The following TANC1 variants were observed in gnomAD, a reference collection of about 807,000 sequenced individuals.
The protein encoded by TANC1 is tetratricopeptide repeat, ankyrin repeat and coiled-coil containing 1.
In TANC1, 77 loss-of-function variants were observed where a neutral mutation model predicts 149.7. That is an observed-to-expected ratio of 0.51 (90% confidence interval 0.43 to 0.62). TANC1 has a LOEUF of 0.62. Among genes scored for constraint, TANC1 ranks in the 20% least tolerant of loss-of-function variants. The pLI, the probability that TANC1 is intolerant of heterozygous loss-of-function variation, is 0.00. For missense variants in TANC1, 1,985 were observed against 2,321.8 expected (o/e 0.85, Z 2.98); for synonymous variants, 854 against 925.0 (o/e 0.92, Z 1.39).
At chr2:159,082,357 T>C (rs2044363069) in intron 3 of TANC1, among the ~76,000 whole-genome samples, 1 of 116,972 alleles carries the variant, frequency 8.5e-6, no homozygotes, top group African/African-American at 3.2e-5. Flanking sequence ...TTAAAATACA[T>C]GTTTTAAACT....
At chr2:159,203,203 TCTTTTC>T (rs200690229) in intron 19 of TANC1, among the ~76,000 whole-genome samples, 32,772 of 129,222 alleles carry the variant, frequency 0.25, 4,879 homozygotes, top group Non-Finnish European at 0.38. Flanking sequence ...GATAGGCTTT[TCTTTTC>T]TTTTTTTTTT....
intron 4 of TANC1, among the ~76,000 whole-genome samples, chr2:159,132,829 A>C (rs914324132): frequency 6.6e-6 from 1 of 151,854 alleles, no homozygotes; most frequent in Admixed American, 6.6e-5. Context: ...TGCCCAACTC[A>C]TGAGTCCCTG....
intron 1 of TANC1, among the ~76,000 whole-genome samples, chr2:158,998,124 T>C (rs568045546): frequency 1.4e-4 from 22 of 152,070 alleles, no homozygotes; most frequent in Admixed American, 5.2e-4. Context: ...CTTAGCTGGG[T>C]GTGGTGGTGT....
rs542206261 is a variant in TANC1, at chr2:159,042,147, G to T, written c.-15-23749G>T. On this transcript the variant is annotated intron_variant, in intron 2 of 26. Coordinates refer to ENST00000263635, the MANE Select transcript of TANC1 (RefSeq NM_033394.3). Reference sequence around the variant, plus strand: ...TCATCTTTGAAGTCCTGGTGGGGAAGGCAGCAGGTCTTCTGGAGCTCCTCA... The same window carrying T: ...TCATCTTTGAAGTCCTGGTGGGGAATGCAGCAGGTCTTCTGGAGCTCCTCA... 2.0e-5 allele frequency among the ~76,000 whole-genome samples: 3 copies of T among 152,284 alleles called. No individual in the cohort carries two copies. The South Asian group carries it at 6.2e-4, about 32-fold the overall frequency.
chr2:159,219,732 A>C lies in TANC1; in HGVS notation c.3543A>C (p.Ala1181=). The change falls in exon 22 of 27, where the codon GCA becomes GCC. Residue 1181 remains alanine, a synonymous_variant. Transcript: ENST00000263635. ...LSSLDKEGLS[A]LSWACLKGHR... Reference sequence around the variant, plus strand: ...CTCTAGACAAAGAGGGTCTGTCAGCATTAAGCTGGGCTTGTCTGAAAGGTC... The same window carrying C: ...CTCTAGACAAAGAGGGTCTGTCAGCCTTAAGCTGGGCTTGTCTGAAAGGTC... 1 of 1,614,214 alleles carries C rather than the reference A, an allele frequency of 6.2e-7. No homozygotes were observed. Among genetic ancestry groups the C allele is most frequent in the Non-Finnish European group, 8.5e-7 (1 of 1,180,042 alleles).
chr2:159,055,786 A>T (rs552110837), intron 2 of TANC1, among the ~76,000 whole-genome samples: 1 of 152,272 alleles, frequency 6.6e-6, no homozygotes, highest in Admixed American at 6.5e-5. Context: ...TGAACTCCTG[A>T]TCATTGATCA....
chr2:159,030,568 A>G (rs747501062), intron 2 of TANC1, among the ~76,000 whole-genome samples: 1 of 152,188 alleles, frequency 6.6e-6, no homozygotes, highest in Non-Finnish European at 1.5e-5. Flanking sequence ...TTCAGAGAAG[A>G]CACAGTTGTA....
intron 3 of TANC1, among the ~76,000 whole-genome samples, chr2:159,073,098 T>C (rs2043301589): frequency 6.6e-6 from 1 of 152,222 alleles, no homozygotes. Flanking sequence ...TTAAAGGGAT[T>C]TCGGGAGTTG....
At position 159,230,023 on chromosome 2, in the gene TANC1, A is replaced by T; in HGVS notation, c.4597A>T (p.Ile1533Phe). 6.2e-7 allele frequency: 1 copy of T among 1,614,066 alleles called. No homozygotes were observed. Among genetic ancestry groups the T allele is most frequent in the Non-Finnish European group, 8.5e-7 (1 of 1,180,032 alleles). Reference protein sequence around the residue: ...LLLQPSKQAQIVKTSQHLGSG... With the variant: ...LLLQPSKQAQFVKTSQHLGSG... ...CCTGCAGCCCTCCAAGCAGGCCCAG[A>T]TCGTGAAAACCAGCCAGCACCTGGG... Residue 1533 changes from isoleucine to phenylalanine, a missense_variant, in exon 27 of 27, where the codon ATC (isoleucine) becomes TTC (phenylalanine). Transcript: ENST00000263635. The surrounding 1 kb of genome is among the most constrained non-coding windows in gnomAD (Gnocchi z 4.4).
chr2:159,040,847 G>A (rs138708207), intron 2 of TANC1, among the ~76,000 whole-genome samples: 3,080 of 152,252 alleles, frequency 0.02, 54 homozygotes, highest in Non-Finnish European at 0.027. Flanking sequence ...AGGCATTCTG[G>A]TTTTTAGAAT....
intron 26 of TANC1, 139 bp downstream of exon 26, chr2:159,229,035 A>AC (rs2060191160): frequency 1.6e-6 from 1 of 640,778 alleles, no homozygotes; most frequent in Non-Finnish European, 2.8e-6. Context: ...TAGTATTACT[A>AC]CCTGCTTCCA....
chr2:159,191,627 A>G (rs73002968), intron 16 of TANC1, among the ~76,000 whole-genome samples: 2,344 of 152,258 alleles, frequency 0.015, 53 homozygotes, highest in African/African-American at 0.044. Flanking sequence ...TCAGCAGCCA[A>G]GACATCTTCA....
chr2:159,058,819 G>T (rs952094592), intron 2 of TANC1, among the ~76,000 whole-genome samples: 4 of 120,868 alleles, frequency 3.3e-5, no homozygotes, highest in African/African-American at 1.3e-4. Flanking sequence ...AAGGTGTTTT[G>T]TTTGTTTGTT....
chr2:159,016,484 G>T (rs2038276486), intron 2 of TANC1, among the ~76,000 whole-genome samples: 1 of 152,106 alleles, frequency 6.6e-6, no homozygotes, highest in African/African-American at 2.4e-5. Flanking sequence ...AAGATCTGGG[G>T]TCACAGTCTC....
At chr2:159,050,812 TATG>T (rs1236852961) in intron 2 of TANC1, among the ~76,000 whole-genome samples, 11 of 152,202 alleles carry the variant, frequency 7.2e-5, no homozygotes, top group African/African-American at 1.9e-4. Flanking sequence ...TGATTTATGA[TATG>T]AGGATTATAA....
intron 19 of TANC1, among the ~76,000 whole-genome samples, chr2:159,205,659 G>T (rs1249871378): frequency 6.6e-6 from 1 of 152,204 alleles, no homozygotes; most frequent in Non-Finnish European, 1.5e-5. Flanking sequence ...CTACACCATC[G>T]AAGTTTGTGT....
chr2:159,089,110 G>T (rs191659694), intron 3 of TANC1, among the ~76,000 whole-genome samples: 91 of 152,282 alleles, frequency 6.0e-4, no homozygotes, highest in African/African-American at 2.1e-3. Flanking sequence ...AGGGTCAGGG[G>T]TTTGCTATCC....
intron 3 of TANC1, among the ~76,000 whole-genome samples, chr2:159,077,353 A>C (rs1298528288): frequency 6.6e-6 from 1 of 152,176 alleles, no homozygotes; most frequent in Non-Finnish European, 1.5e-5. Flanking sequence ...AAACTCCATA[A>C]ATGTAATAGT....
chr2:158,984,519 G>A (rs973817332), intron 1 of TANC1, among the ~76,000 whole-genome samples: 1 of 152,176 alleles, frequency 6.6e-6, no homozygotes, highest in Non-Finnish European at 1.5e-5. Flanking sequence ...TTTGTCAGCG[G>A]GTGGTGGAGG....
Sources: allele counts gnomAD v4.1 joint callset (sites outside exome capture counted in the v4.1 genomes callset), GRCh38; gene constraint gnomAD v4.1.1; non-coding constraint Gnocchi (gnomAD v3.1); transcripts MANE v1.5; gene names NCBI Gene and HGNC (gene_info 2026-07-23, HGNC 2026-07-21).